Variants in CPNE4 observed in about 807,000 individuals in gnomAD.
CPNE4 encodes copine 4.
CPNE4 carries 25 observed loss-of-function variants against 67.9 expected under a neutral mutation model. The ratio of observed to expected loss-of-function variants is 0.37; its 90% CI spans 0.27 to 0.51. The LOEUF (loss-of-function observed/expected upper bound fraction) is 0.51, where lower values mean the gene tolerates loss of function less well. Ranked by LOEUF, CPNE4 falls within the 20% of genes least tolerant of loss-of-function variation. The pLI, the probability that CPNE4 is intolerant of heterozygous loss-of-function variation, is 0.93. For synonymous variants in CPNE4, 242 were observed against 244.9 expected (o/e 0.99, Z 0.11); for missense variants, 464 against 690.8 (o/e 0.67, Z 3.68).
At chr3:131,619,219 A>G (rs1940330612) in intron 7 of CPNE4, among the ~76,000 whole-genome samples, 1 of 152,230 alleles carries the variant, frequency 6.6e-6, no homozygotes, top group Admixed American at 6.5e-5. Context: ...AAGGTCTCAC[A>G]TGATTAAGCC....
intron 2 of CPNE4, among the ~76,000 whole-genome samples, chr3:131,743,713 G>GA (rs1259880961): frequency 1.3e-5 from 2 of 152,036 alleles, no homozygotes; most frequent in East Asian, 3.9e-4. Context: ...GGAAGGGCTG[G>GA]AAACCATTTA....
intron 1 of CPNE4, among the ~76,000 whole-genome samples, chr3:131,987,153 TA>T (rs1560741331): frequency 6.6e-6 from 1 of 152,124 alleles, no homozygotes; most frequent in Non-Finnish European, 1.5e-5. Context: ...CTGAAAATAT[TA>T]AGTAAAAAAT....
At chr3:131,655,210 C>T (rs1582965611) in intron 7 of CPNE4, among the ~76,000 whole-genome samples, 1 of 152,210 alleles carries the variant, frequency 6.6e-6, no homozygotes, top group South Asian at 2.1e-4. Context: ...CATCTGGGAA[C>T]TTGTCAGAAA....
chr3:131,974,197 TC>T (rs1279240607), intron 1 of CPNE4, among the ~76,000 whole-genome samples: 1 of 152,238 alleles, frequency 6.6e-6, no homozygotes, highest in African/African-American at 2.4e-5. Flanking sequence ...TACATTAGTT[TC>T]TTTTTTCTCT....
intron 2 of CPNE4, among the ~76,000 whole-genome samples, chr3:131,792,698 TATAC>T (rs2083789771): frequency 8.9e-5 from 7 of 78,232 alleles, no homozygotes; most frequent in East Asian, 3.6e-4. Flanking sequence ...TATATATACA[TATAC>T]ACACACGTGT....
chr3:131,695,851 CA>C (rs1352520145), intron 5 of CPNE4, among the ~76,000 whole-genome samples: 7 of 152,120 alleles, frequency 4.6e-5, no homozygotes, highest in African/African-American at 1.7e-4. Flanking sequence ...TTGGCCTTAC[CA>C]GGACACACTA....
At chr3:131,735,770 A>T (rs2082220693) in intron 2 of CPNE4, among the ~76,000 whole-genome samples, 1 of 152,194 alleles carries the variant, frequency 6.6e-6, no homozygotes, top group Non-Finnish European at 1.5e-5. Context: ...TGCCAACAAC[A>T]TACTGTTTGT....
At chr3:132,001,579 GA>G (rs1458175496) in intron 1 of CPNE4, among the ~76,000 whole-genome samples, 3 of 146,876 alleles carry the variant, frequency 2.0e-5, no homozygotes, top group African/African-American at 7.6e-5. Context: ...AAGAAAGAAA[GA>G]AAGAAAGAAA....
intron 15 of CPNE4, 76 bp downstream of exon 15, chr3:131,542,481 G>T: frequency 3.1e-6 from 3 of 958,424 alleles, no homozygotes; most frequent in Non-Finnish European, 5.1e-6. Context: ...CATAAACATT[G>T]GTGGACAAAT....
intron 2 of CPNE4, among the ~76,000 whole-genome samples, chr3:131,789,359 T>C (rs1187142062): frequency 2.0e-5 from 3 of 152,134 alleles, no homozygotes; most frequent in African/African-American, 4.8e-5. Flanking sequence ...AGGTTATAAA[T>C]ATCCACCTAA....
rs573896267 is a variant in CPNE4 at position 131,991,904 on chromosome 3, G to A, written c.-2+42663C>T. Among the ~76,000 whole-genome samples the A allele has an allele frequency of 2.9e-5, 4 of 136,364 alleles. 1 individual carries two copies. Among genetic ancestry groups the A allele is most frequent in the African/African-American group, 4.9e-5 (2 of 40,780 alleles). The allele number at this position is 136,364 out of a possible 152,430, so 89.5% of individuals were successfully genotyped here. On this transcript the variant is annotated intron_variant, in intron 1 of 15. Transcript: ENST00000429747. ...GTACAGGTCAGGCTGTGGCTTCAGA[G>A]GGTGAAAGTGCCAAGACTTCACAGC...
chr3:131,829,471 ATC>A lies in CPNE4; in HGVS notation c.180+75791_180+75792del, dbSNP rs1473027566. Among the ~76,000 whole-genome samples the A allele has an allele frequency of 2.0e-5, 3 of 152,192 alleles. No individual in the cohort carries two copies. The East Asian group carries it at 5.8e-4, about 29-fold the overall frequency. ...TCATTCACCTTGAGGTAGGGACAGT[ATC>A]TTTATACCATTATGATCCCAGTGCC... is the stretch of plus-strand genomic sequence containing the variant. On this transcript the variant is annotated intron_variant, in intron 2 of 15. Transcript: ENST00000429747.
intron 7 of CPNE4, among the ~76,000 whole-genome samples, chr3:131,627,445 A>G (rs960496761): frequency 6.6e-6 from 1 of 152,158 alleles, no homozygotes; most frequent in East Asian, 1.9e-4. Context: ...AAGGAGATTC[A>G]TTGTTGTTTT....
chr3:131,654,081 T>C (rs56100664), intron 7 of CPNE4, among the ~76,000 whole-genome samples: 37,698 of 152,088 alleles, frequency 0.25, 6,021 homozygotes, highest in African/African-American at 0.46. Context: ...ATTTAACTGG[T>C]CTGAGGTGGG....
intron 2 of CPNE4, among the ~76,000 whole-genome samples, chr3:131,730,122 T>G (rs1471029533): frequency 6.6e-6 from 1 of 152,250 alleles, no homozygotes; most frequent in African/African-American, 2.4e-5. Flanking sequence ...GAGTGCATGT[T>G]ATAATTAATG....
intron 7 of CPNE4, among the ~76,000 whole-genome samples, chr3:131,653,143 C>CTTTTTTTT (rs1206489252): frequency 4.1e-5 from 4 of 98,570 alleles, no homozygotes; most frequent in African/African-American, 4.2e-5. Context: ...GATAGGACTT[C>CTTTTTTTT]TTTTTTTTTT....
At chr3:131,931,983 G>C (rs2071075839) in intron 1 of CPNE4, among the ~76,000 whole-genome samples, 1 of 152,160 alleles carries the variant, frequency 6.6e-6, no homozygotes, top group Non-Finnish European at 1.5e-5. Context: ...CATGATACAA[G>C]TGAACACCAA....
chr3:131,810,514 TA>T (rs978178189), intron 2 of CPNE4, among the ~76,000 whole-genome samples: 1 of 151,786 alleles, frequency 6.6e-6, no homozygotes, highest in Non-Finnish European at 1.5e-5. Flanking sequence ...AATCATAGAT[TA>T]AAAAAAGGTA....
chr3:131,771,497 T>G (rs2083165038), intron 2 of CPNE4, among the ~76,000 whole-genome samples: 1 of 151,966 alleles, frequency 6.6e-6, no homozygotes, highest in Non-Finnish European at 1.5e-5. Flanking sequence ...TAAGAGCTGA[T>G]TGTTAAAAGG....
Sources: allele counts gnomAD v4.1 joint callset (sites outside exome capture counted in the v4.1 genomes callset), GRCh38; gene constraint gnomAD v4.1.1; transcripts MANE v1.5; gene names NCBI Gene and HGNC (gene_info 2026-07-23, HGNC 2026-07-21).